PLA2R1: variants seen among roughly 807,000 people sequenced by gnomAD.
PLA2R1 encodes secretory phospholipase A2 receptor.
A neutral mutation model predicts 195.9 loss-of-function variants in PLA2R1; 158 were observed. The ratio of observed to expected loss-of-function variants is 0.81; its 90% CI spans 0.71 to 0.92. The LOEUF is 0.92. PLA2R1 is among the 40% of genes least tolerant of loss of function. The pLI is 0.00. For missense variants in PLA2R1, 1,626 were observed against 1,764.6 expected, an observed-to-expected ratio of 0.92 and a Z score of 1.41; for synonymous variants, 586 against 598.2, an observed-to-expected ratio of 0.98 and a Z score of 0.30.
At chr2:159,985,039 C>T (rs1304099423) in intron 12 of PLA2R1, among the ~76,000 whole-genome samples, 1 of 152,206 alleles carries the variant, frequency 6.6e-6, no homozygotes, top group East Asian at 1.9e-4. Context: ...ATGCCTATCA[C>T]ACACACCATG....
chr2:160,019,198 T>A (rs192682801), intron 8 of PLA2R1, among the ~76,000 whole-genome samples: 2 of 152,298 alleles, frequency 1.3e-5, no homozygotes, highest in African/African-American at 2.4e-5. Context: ...AAAAGCAAGA[T>A]TTGCCACTGA....
chr2:160,031,844 G>A (rs1051539583), intron 4 of PLA2R1, among the ~76,000 whole-genome samples: 8 of 152,128 alleles, frequency 5.3e-5, no homozygotes, highest in African/African-American at 1.2e-4. Context: ...TTGGCTCACC[G>A]CATCCTCCAC....
chr2:160,004,088 A>G (rs1187124545), intron 11 of PLA2R1, among the ~76,000 whole-genome samples: 3 of 152,232 alleles, frequency 2.0e-5, no homozygotes, highest in Non-Finnish European at 4.4e-5. Context: ...GTTGTTTCTG[A>G]AAAGGGAAAT....
intron 1 of PLA2R1, among the ~76,000 whole-genome samples, chr2:160,055,669 C>T (rs1695489550): frequency 6.6e-6 from 1 of 152,132 alleles, no homozygotes; most frequent in South Asian, 2.1e-4. Context: ...GGTTCGAATC[C>T]CCATGCTGCA....
Position 159,976,105 on chromosome 2 carries a change from G to T in PLA2R1, c.2558C>A (p.Ala853Glu). ...GCTGTGGATGAATTCTTGCTCATGT[G>T]CAGAATGAATTGTGAGAAGATCACT... ...LHSDLLTIHS[A>E]HEQEFIHSKI... The change falls in exon 17 of 30, where the codon GCA (alanine) becomes GAA (glutamate). Residue 853 changes from alanine to glutamate, a missense_variant. Ala to Glu is a moderately radical substitution (Grantham distance 107). Transcript: ENST00000283243. The T allele has an allele frequency of 6.2e-7, 1 of 1,612,574 alleles. No homozygotes were observed. The highest frequency in any genetic ancestry group is 8.5e-7 in the Non-Finnish European group (1 of 1,179,066).
chr2:160,055,972 C>T (rs1695510707), intron 1 of PLA2R1, among the ~76,000 whole-genome samples: 1 of 152,076 alleles, frequency 6.6e-6, no homozygotes, highest in Non-Finnish European at 1.5e-5. Context: ...ACCCCCCTTC[C>T]TCGCCACTGG....
chr2:159,976,941 G>A (rs1352688320), intron 15 of PLA2R1, among the ~76,000 whole-genome samples: 2 of 152,228 alleles, frequency 1.3e-5, no homozygotes, highest in Non-Finnish European at 2.9e-5. Context: ...AGCACTTGCT[G>A]AGGCCACTGT....
At chr2:159,993,127 C>A (rs962770582) in intron 11 of PLA2R1, among the ~76,000 whole-genome samples, 1 of 152,034 alleles carries the variant, frequency 6.6e-6, no homozygotes, top group Admixed American at 6.6e-5. Context: ...TCTAGGGGTA[C>A]AAAGTACATT....
At chr2:160,053,102 T>C (rs779328026) in intron 1 of PLA2R1, among the ~76,000 whole-genome samples, 5 of 152,164 alleles carry the variant, frequency 3.3e-5, no homozygotes, top group Non-Finnish European at 7.3e-5. Flanking sequence ...GTGGCAGGGA[T>C]GGTTCCTTCC....
rs36040063 is a variant in PLA2R1, at chr2:159,967,589, G to A, written c.2854C>T (p.Pro952Ser). ...VWLIEKKKDT[P>S]KQHGTCPKGW... Reference sequence around the variant, plus strand: ...TTGGGACACGTTCCATGTTGTTTTGGTGTATCTTTCTTTTTCTCTATGAGC... The same window carrying A: ...TTGGGACACGTTCCATGTTGTTTTGATGTATCTTTCTTTTTCTCTATGAGC... The change falls in exon 20 of 30, where the codon CCA becomes TCA. Residue 952 changes from proline (P) to serine (S), a missense_variant. Physicochemically the swap from Pro to Ser is moderately conservative, Grantham distance 74. Transcript: ENST00000283243. The A allele has an allele frequency of 4.4e-4, 713 of 1,613,478 alleles. 4 individuals carry two copies. In the African/African-American group the frequency reaches 6.3e-3, roughly 14 times the overall value.
At chr2:160,018,972 C>T (rs1488321169) in intron 8 of PLA2R1, among the ~76,000 whole-genome samples, 1 of 152,230 alleles carries the variant, frequency 6.6e-6, no homozygotes, top group Non-Finnish European at 1.5e-5. Context: ...ACATGGACAT[C>T]TACCAAATCC....
chr2:159,987,436 T>G (rs1412623938), intron 11 of PLA2R1, 78 bp from the exon 12 acceptor site: 12 of 982,150 alleles, frequency 1.2e-5, no homozygotes, highest in Non-Finnish European at 1.7e-5. Flanking sequence ...TTTAGAGTGT[T>G]GAATAATTGA....
rs971649331 is a variant in PLA2R1, at chr2:159,933,462, T to A, written c.*8316A>T. 2.6e-5 allele frequency: 4 copies of A among 152,224 alleles called. No individual in the cohort carries two copies. In the South Asian group the frequency reaches 8.3e-4, roughly 32 times the overall value. The allele number at this position is 152,224 out of a possible 1,614,324, so 9.4% of individuals were successfully genotyped here. On this transcript the variant is annotated 3_prime_UTR_variant, in exon 30 of 30. Transcript: ENST00000283243. The stretch of plus-strand genomic sequence containing the variant: ...AACATTTCCTACAATTTAATACATA[T>A]CACTTATCTTGTTAAGCCTTTCTCT...
chr2:160,044,076 G>C lies in PLA2R1; in HGVS notation c.493+698C>G, dbSNP rs561986604. ...GGATGGATAGATAGATGGATGGATGGATAGAGTGAGCTACCAAACAAAACG... is the reference window on the plus strand; with the variant it reads ...GGATGGATAGATAGATGGATGGATGCATAGAGTGAGCTACCAAACAAAACG... On this transcript the variant is annotated intron_variant, in intron 2 of 29. Coordinates refer to ENST00000283243, the MANE Select transcript of PLA2R1 (RefSeq NM_007366.5). 3.4e-3 allele frequency among the ~76,000 whole-genome samples: 522 copies of C among 152,240 alleles called. 6 individuals are homozygous for C. Among genetic ancestry groups the C allele is most frequent in the Non-Finnish European group, 2.2e-3 (150 of 68,020 alleles).
At chr2:160,012,799 C>T (rs1692454392) in intron 10 of PLA2R1, among the ~76,000 whole-genome samples, 1 of 151,970 alleles carries the variant, frequency 6.6e-6, no homozygotes, top group Non-Finnish European at 1.5e-5. Flanking sequence ...GTAATCCCAG[C>T]TACTCATGGG....
intron 6 of PLA2R1, among the ~76,000 whole-genome samples, chr2:160,023,576 A>G (rs1693290980): frequency 6.6e-6 from 1 of 152,210 alleles, no homozygotes; most frequent in Admixed American, 6.5e-5. Flanking sequence ...TGTTTAGCAT[A>G]TAATCGAGAA....
At chr2:159,942,835 G>C (rs1378909637) in intron 28 of PLA2R1, among the ~76,000 whole-genome samples, 1 of 152,154 alleles carries the variant, frequency 6.6e-6, no homozygotes, top group African/African-American at 2.4e-5. Flanking sequence ...GAATGAACCA[G>C]AGGAAGATGA....
chr2:159,924,004 G>T, the PLA2R1 span, among the ~76,000 whole-genome samples: 1 of 147,252 alleles, frequency 6.8e-6, no homozygotes, highest in Non-Finnish European at 1.5e-5. Flanking sequence ...GTATCATTGG[G>T]TTGAAATCAA....
chr2:159,989,355 C>T (rs1244685408), intron 11 of PLA2R1, among the ~76,000 whole-genome samples: 4 of 152,168 alleles, frequency 2.6e-5, no homozygotes, highest in Non-Finnish European at 5.9e-5. Flanking sequence ...CTGGAGAAAT[C>T]CATGTGGAAG....
Sources: gnomAD v4.1 joint callset for allele counts (sites outside exome capture counted in the v4.1 genomes callset) on GRCh38, gnomAD v4.1.1 for gene constraint, MANE v1.5 for transcripts, NCBI Gene and HGNC (gene_info 2026-07-23, HGNC 2026-07-21) for gene names.